RMC1: variants seen among roughly 807,000 people sequenced by gnomAD.
RMC1 encodes the protein regulator of MON1-CCZ1 complex.
A neutral mutation model predicts 95.5 loss-of-function variants in RMC1; 44 were observed. That is an observed-to-expected ratio of 0.46 (90% CI 0.36 to 0.59). The LOEUF (loss-of-function observed/expected upper bound fraction) is 0.59. Ranked by LOEUF, RMC1 falls within the 20% of genes least tolerant of loss-of-function variation. The pLI is 0.00. For missense variants in RMC1, 705 were observed against 819.6 expected, an observed-to-expected ratio of 0.86 and a Z score of 1.71; for synonymous variants, 320 against 303.6, an observed-to-expected ratio of 1.05 and a Z score of -0.56.
At chr18:23,508,924 G>C (rs1410041389) in intron 4 of RMC1, 2 of 188,278 alleles carry the variant, frequency 1.1e-5, no homozygotes, top group Non-Finnish European at 2.2e-5. Context: ...GCTGCTGTCT[G>C]TGAGCTCTGG....
Position 23,520,231 on chromosome 18 carries a change from G to C in RMC1, c.879G>C (p.Arg293=). The change falls in exon 10 of 20, where the codon CGG becomes CGC. Residue 293 remains arginine (R), a synonymous_variant. Transcript: ENST00000269221. ...CGGTAATATTCGATATCAAGTTACGGGGAGAGTTTGACGGCTCCGTTACCT... is the reference window on the plus strand; with the variant it reads ...CGGTAATATTCGATATCAAGTTACGCGGAGAGTTTGACGGCTCCGTTACCT... ...ETSVIFDIKL[R]GEFDGSVTFH... 1 of 1,614,078 alleles carries C rather than the reference G, an allele frequency of 6.2e-7. No individual in the cohort carries two copies. The highest frequency in any genetic ancestry group is 8.5e-7 in the Non-Finnish European group (1 of 1,180,012).
chr18:23,517,369 C>G (rs2058035867), intron 7 of RMC1, among the ~76,000 whole-genome samples: 1 of 152,010 alleles, frequency 6.6e-6, no homozygotes, highest in African/African-American at 2.4e-5. Flanking sequence ...AGGGTGGTCT[C>G]GGTCTCTTGA....
chr18:23,527,443 GTGTT>G (rs1440696918), intron 13 of RMC1, among the ~76,000 whole-genome samples: 6 of 151,908 alleles, frequency 3.9e-5, no homozygotes, highest in East Asian at 1.9e-4. Context: ...TGTGCTGTTG[GTGTT>G]TGTTTTTGTT....
intron 6 of RMC1, 69 bp from the exon 7 acceptor site, chr18:23,516,251 T>C: frequency 6.5e-7 from 1 of 1,540,604 alleles, no homozygotes; most frequent in Middle Eastern, 1.7e-4. Context: ...TTGTTGGTTT[T>C]ACACAGGGAA....
chr18:23,524,412 T>G lies in RMC1; in HGVS notation c.1007-17T>G. 2.5e-6 allele frequency: 4 copies of G among 1,613,858 alleles called. No homozygotes were observed. ...GTTTTCATCTTTTCCTGGTTTAGAA[T>G]TTCCTATAACATGTGGATTCTTCAT... On this transcript the variant is annotated splice_polypyrimidine_tract_variant and intron_variant, in intron 11 of 19. Transcript: ENST00000269221.
chr18:23,524,055 C>A, intron 10 of RMC1, 75 bp from the exon 11 acceptor site: 1 of 1,446,450 alleles, frequency 6.9e-7, no homozygotes, highest in Non-Finnish European at 9.7e-7. Flanking sequence ...AAAGTATTGA[C>A]TTTTGTGTCA....
At chr18:23,515,313 C>G (rs948830897) in intron 5 of RMC1, among the ~76,000 whole-genome samples, 5 of 152,144 alleles carry the variant, frequency 3.3e-5, no homozygotes, top group Admixed American at 2.6e-4. Context: ...ACTCTTGGAG[C>G]CTTGTTTCTC....
At position 23,519,156 on chromosome 18, in the gene RMC1, G is replaced by C; in HGVS notation, c.831G>C (p.Val277=). ...ALNVVDNLVV[V]HHQDTETSVI... ...ACGTGGTGGACAACCTGGTAGTCGT[G>C]CATCATCAGGATACAGAGGTACAAG... Residue 277 remains valine (V), a synonymous_variant, in exon 9 of 20, where the codon GTG becomes GTC. Coordinates refer to ENST00000269221, the MANE Select transcript of RMC1 (RefSeq NM_013326.5). 6.2e-7 allele frequency: 1 copy of C among 1,614,002 alleles called. No individual in the cohort carries two copies. Among genetic ancestry groups the C allele is most frequent in the Non-Finnish European group, 8.5e-7 (1 of 1,179,896 alleles).
At position 23,519,138 on chromosome 18, in the gene RMC1, G is replaced by A. The variant is rs753119699; in HGVS notation, c.813G>A (p.Val271=). The A allele has an allele frequency of 8.1e-6, 13 of 1,614,152 alleles. No homozygotes were observed. The Admixed American group carries it at 2.2e-4, about 27-fold the overall frequency. The part of the protein sequence containing the change: ...NRTGKFALNV[V]DNLVVVHHQD... ...CGGGAAAGTTTGCCCTGAACGTGGTGGACAACCTGGTAGTCGTGCATCATC... is the reference window on the plus strand; with the variant it reads ...CGGGAAAGTTTGCCCTGAACGTGGTAGACAACCTGGTAGTCGTGCATCATC... The change falls in exon 9 of 20, where the codon GTG becomes GTA. Residue 271 remains valine (V), a synonymous_variant. Transcript: ENST00000269221.
In RMC1 at chr18:23,516,532, AAGG is replaced by A. The variant is rs2058010410; in HGVS notation, c.653+114_653+116del. ...TGATGCCCTGACCCCTAGAACACAT[AAGG>A]AGGACTCCCCTTGTTCTGGGTATTC... On this transcript the variant is annotated intron_variant, in intron 7 of 19. Coordinates refer to ENST00000269221, the MANE Select transcript of RMC1 (RefSeq NM_013326.5). The A allele has an allele frequency of 1.9e-5, 21 of 1,083,868 alleles. No individual in the cohort carries two copies. In the South Asian group the frequency reaches 2.5e-4, roughly 13 times the overall value. 67.1% of individuals were successfully genotyped at this position (1,083,868 alleles called of 1,614,324 possible).
upstream of RMC1, chr18:23,503,486 A>G: frequency 2.3e-6 from 1 of 441,420 alleles, no homozygotes; most frequent in Non-Finnish European, 3.6e-6. Context: ...GCGTGGCACC[A>G]GGAAGCGGCG....
At chr18:23,523,700 C>G (rs556039567) in intron 10 of RMC1, among the ~76,000 whole-genome samples, 38 of 152,116 alleles carry the variant, frequency 2.5e-4, no homozygotes, top group African/African-American at 9.2e-4. Context: ...CAAGCCTGGA[C>G]AGCAGAGCAA....
intron 3 of RMC1, 79 bp from the exon 4 acceptor site, chr18:23,507,906 G>A: frequency 2.3e-6 from 3 of 1,287,302 alleles, no homozygotes; most frequent in Non-Finnish European, 3.2e-6. Context: ...TATTTTTCTT[G>A]TCTTGTAGTA....
intron 5 of RMC1, among the ~76,000 whole-genome samples, 162 bp downstream of exon 5, chr18:23,509,441 C>T (rs2057791245): frequency 6.6e-6 from 1 of 151,756 alleles, no homozygotes; most frequent in Non-Finnish European, 1.5e-5. Flanking sequence ...ACCATCATGG[C>T]TCACTGTAAT....
At chr18:23,509,452 C>T (rs1207815933) in intron 5 of RMC1, among the ~76,000 whole-genome samples, 173 bp downstream of exon 5, 3 of 151,936 alleles carry the variant, frequency 2.0e-5, no homozygotes, top group Non-Finnish European at 4.4e-5. Flanking sequence ...TCACTGTAAT[C>T]TCAAACTCCT....
At chr18:23,531,445 C>G (rs2058502203) in intron 19 of RMC1, 180 bp from the exon 20 acceptor site, 2 of 1,291,656 alleles carry the variant, frequency 1.5e-6, no homozygotes, top group South Asian at 3.3e-5. Context: ...GATAGAATCT[C>G]TTCCATTTAG....
intron 11 of RMC1, 62 bp from the exon 12 acceptor site, chr18:23,524,367 G>A (rs374093556): frequency 1.8e-5 from 28 of 1,585,484 alleles, no homozygotes; most frequent in Middle Eastern, 1.7e-4. Context: ...GAGTGCTAGC[G>A]GAAACTGGGT....
At chr18:23,524,574 CT>C in intron 12 of RMC1, 92 bp downstream of exon 12, 1 of 1,313,694 alleles carries the variant, frequency 7.6e-7, no homozygotes, top group Non-Finnish European at 1.1e-6. Flanking sequence ...AGGTGAATCT[CT>C]TAGAAATGAC....
intron 10 of RMC1, among the ~76,000 whole-genome samples, chr18:23,521,923 G>C (rs2058152538): frequency 1.3e-5 from 2 of 152,152 alleles, no homozygotes; most frequent in African/African-American, 4.8e-5. Flanking sequence ...TGCAGAATTG[G>C]CTAGTCTGAG....
Sources: allele counts gnomAD v4.1 joint callset (sites outside exome capture counted in the v4.1 genomes callset), GRCh38; gene constraint gnomAD v4.1.1; transcripts MANE v1.5; gene names NCBI Gene and HGNC (gene_info 2026-07-23, HGNC 2026-07-21).